The following RGS3 variants were observed in gnomAD, a reference collection of about 807,000 sequenced individuals.
RGS3 encodes the protein regulator of G-protein signalling 3.
In RGS3, 80 loss-of-function variants were observed where a neutral mutation model predicts 132.6. The ratio of observed to expected loss-of-function variants is 0.60; its 90% CI spans 0.50 to 0.73. The LOEUF (loss-of-function observed/expected upper bound fraction) is 0.73, where lower values mean the gene tolerates loss of function less well. Among genes scored for constraint, RGS3 ranks in the 30% least tolerant of loss-of-function variants. The pLI is 0.00. For synonymous variants in RGS3, 598 were observed against 620.6 expected, an observed-to-expected ratio of 0.96 and a Z score of 0.54; for missense variants, 1,382 against 1,530.8, an observed-to-expected ratio of 0.90 and a Z score of 1.62.
chr9:113,541,699 G>T, intron 19 of RGS3: 1 of 1,077,426 alleles, frequency 9.3e-7, no homozygotes, highest in Non-Finnish European at 1.1e-6. Context: ...AGGAGGAGGA[G>T]GAGGACATTC....
intron 21 of RGS3, chr9:113,593,923 G>C (rs1835579530): frequency 6.2e-7 from 1 of 1,607,104 alleles, no homozygotes. Context: ...TGCTGCCATG[G>C]TAACGAGGAG....
intron 19 of RGS3, among the ~76,000 whole-genome samples, chr9:113,548,529 C>T (rs1833205047): frequency 6.6e-6 from 1 of 152,156 alleles, no homozygotes; most frequent in African/African-American, 2.4e-5. Context: ...GCAGTGGGAA[C>T]AGAGCTGAGG....
chr9:113,462,286 G>A (rs1186175924), intron 3 of RGS3: 3 of 888,482 alleles, frequency 3.4e-6, no homozygotes, highest in East Asian at 2.7e-5. Context: ...GTGTGTAACC[G>A]GGGTTGGAGG....
intron 17 of RGS3, among the ~76,000 whole-genome samples, chr9:113,524,413 G>C (rs2119418976): frequency 6.6e-6 from 1 of 152,308 alleles, no homozygotes; most frequent in East Asian, 1.9e-4. Flanking sequence ...TGCCCTGGTT[G>C]GTACATGAAT....
At chr9:113,594,504 A>C in exon 22 of RGS3, 1 of 1,613,700 alleles carries the variant, frequency 6.2e-7, no homozygotes, top group Non-Finnish European at 8.5e-7. Context: ...CCCGCGGGCA[A>C]GGCAGACAAA....
At position 113,594,555 on chromosome 9, in the gene RGS3, G is replaced by A. The variant is rs200917628; in HGVS notation, c.3182+24G>A. 2.2e-3 allele frequency: 3,507 copies of A among 1,596,830 alleles called. 5 individuals carry two copies. Among genetic ancestry groups the A allele is most frequent in the Non-Finnish European group, 2.7e-3 (3,203 of 1,166,020 alleles). The stretch of plus-strand genomic sequence containing the variant: ...AAGTAGGTCCTCCCTGGCACCCTGG[G>A]ACCCTTTGGGGAACTCACTGGCTCC... On this transcript the variant is annotated intron_variant, in intron 22 of 24. Coordinates refer to ENST00000350696, the Ensembl canonical transcript of RGS3.
intron 3 of RGS3, among the ~76,000 whole-genome samples, chr9:113,471,364 G>A (rs1268258415): frequency 6.6e-6 from 1 of 152,044 alleles, no homozygotes; most frequent in Non-Finnish European, 1.5e-5. Flanking sequence ...AACACCCCAG[G>A]AGGAAATTAG....
intron 19 of RGS3, among the ~76,000 whole-genome samples, chr9:113,557,716 C>T (rs537975342): frequency 2.6e-5 from 4 of 152,252 alleles, no homozygotes; most frequent in East Asian, 1.9e-4. Context: ...TATGAAAAAT[C>T]GATGACAGTT....
chr9:113,582,653 A>C (rs1045546032), intron 19 of RGS3: 2 of 152,128 alleles, frequency 1.3e-5, no homozygotes, highest in African/African-American at 4.8e-5. Flanking sequence ...ATTAAGAGAA[A>C]TGTTTTTCTC....
chr9:113,480,558 C>T (rs1475671014), intron 4 of RGS3, among the ~76,000 whole-genome samples: 2 of 152,150 alleles, frequency 1.3e-5, no homozygotes, highest in East Asian at 1.9e-4. Context: ...AAGCACCCAC[C>T]CCTGTCTAGA....
chr9:113,558,991 G>T (rs1478487043), intron 19 of RGS3, among the ~76,000 whole-genome samples: 2 of 152,228 alleles, frequency 1.3e-5, no homozygotes, highest in East Asian at 3.8e-4. Flanking sequence ...GAGGTGGTGG[G>T]GGGGATTGGC....
chr9:113,464,472 G>A lies in RGS3; in HGVS notation c.415+2271G>A, dbSNP rs75121070. Among the ~76,000 whole-genome samples, 291 of 152,336 alleles carry A rather than the reference G, an allele frequency of 1.9e-3. 5 individuals are homozygous for A. The East Asian group carries it at 0.047, about 25-fold the overall frequency. ...GTAGGCTTCACTCCCAAGCCCCTAAGTAGCAGACTGAGTTCCCCCAAATAA... is the reference window on the plus strand; with the variant it reads ...GTAGGCTTCACTCCCAAGCCCCTAAATAGCAGACTGAGTTCCCCCAAATAA... On this transcript the variant is annotated intron_variant, in intron 3 of 24. Coordinates refer to ENST00000350696, the Ensembl canonical transcript of RGS3.
intron 19 of RGS3, among the ~76,000 whole-genome samples, chr9:113,546,779 A>C (rs1270682621): frequency 6.6e-6 from 1 of 152,196 alleles, no homozygotes; most frequent in African/African-American, 2.4e-5. Context: ...GAGGGAAAGG[A>C]AGCCCAGCTG....
intron 7 of RGS3, among the ~76,000 whole-genome samples, chr9:113,485,944 G>A (rs535833249): frequency 2.0e-5 from 3 of 152,240 alleles, no homozygotes; most frequent in East Asian, 1.9e-4. Flanking sequence ...TGGGGAAGCC[G>A]ACCAGCCTAC....
intron 7 of RGS3, among the ~76,000 whole-genome samples, chr9:113,493,217 G>A (rs1395895638): frequency 6.6e-6 from 1 of 152,252 alleles, no homozygotes; most frequent in Non-Finnish European, 1.5e-5. Context: ...TATTAGTGCT[G>A]ACTTGGCTAC....
At position 113,537,072 on chromosome 9, in the gene RGS3, G is replaced by A. The variant is rs564246129; in HGVS notation, c.2037+154G>A. Among the ~76,000 whole-genome samples the A allele has an allele frequency of 5.1e-4, 78 of 152,344 alleles. No homozygotes were observed. Among genetic ancestry groups the A allele is most frequent in the Admixed American group, 1.0e-3 (16 of 15,308 alleles). On this transcript the variant is annotated intron_variant, in intron 19 of 24. Transcript: ENST00000350696. This position sits in a 1 kb window ranked among gnomAD's most constrained non-coding sequence, Gnocchi z 4.3. The stretch of plus-strand genomic sequence containing the variant: ...GGCAAGCGGGGACCTGTGCCCGAAT[G>A]TCTCTCCCCCTTGGCATGTCATTGG...
At chr9:113,485,239 C>T (rs1157150697) in intron 6 of RGS3, among the ~76,000 whole-genome samples, 1 of 152,094 alleles carries the variant, frequency 6.6e-6, no homozygotes, top group Non-Finnish European at 1.5e-5. Flanking sequence ...AGGCGCCTGC[C>T]GCCATGCCTG....
At position 113,447,331 on chromosome 9, in the gene RGS3, A is replaced by ATATATG. The variant is rs1554751015; in HGVS notation, c.-13+2409_-13+2410insGTATAT. On this transcript the variant is annotated intron_variant, in intron 1 of 25. Transcript: ENST00000374140. ...AATAAATTCTGATGTATGTATATGT[A>ATATATG]TATATATATATATATATATATATAT... Among the ~76,000 whole-genome samples, 13 of 70,026 alleles carry ATATATG rather than the reference A, an allele frequency of 1.9e-4. 1 individual carries two copies. The South Asian group carries it at 4.2e-3, about 22-fold the overall frequency. 45.9% of individuals were successfully genotyped at this position (70,026 alleles called of 152,430 possible).
At chr9:113,559,705 CT>C (rs1450528324) in intron 19 of RGS3, among the ~76,000 whole-genome samples, 20 of 152,318 alleles carry the variant, frequency 1.3e-4, no homozygotes, top group African/African-American at 4.8e-4. Flanking sequence ...GCCTTGTAAC[CT>C]TTCTGTACCT....
Sources: gnomAD v4.1 joint callset for allele counts (sites outside exome capture counted in the v4.1 genomes callset) on GRCh38, gnomAD v4.1.1 for gene constraint, Gnocchi (gnomAD v3.1) non-coding constraint, MANE v1.5 for transcripts, NCBI Gene and HGNC (gene_info 2026-07-23, HGNC 2026-07-21) for gene names.